Variants in DNAJC17 observed in about 807,000 individuals in gnomAD.
DNAJC17 encodes DnaJ heat shock protein family (Hsp40) member C17.
Under a neutral mutation model 48.1 loss-of-function variants are expected in DNAJC17, and 35 were observed. The observed-to-expected ratio is 0.73, with a 90% CI of 0.56 to 0.96. The LOEUF (loss-of-function observed/expected upper bound fraction) is 0.96, where lower values mean the gene tolerates loss of function less well. DNAJC17 is among the 50% of genes least tolerant of loss of function. The pLI is 0.00. For missense variants in DNAJC17, 355 were observed against 377.1 expected, an observed-to-expected ratio of 0.94 and a Z score of 0.48; for synonymous variants, 117 against 142.7, an observed-to-expected ratio of 0.82 and a Z score of 1.28.
chr15:40,782,844 CA>C (rs1889540353), intron 1 of DNAJC17, among the ~76,000 whole-genome samples: 1 of 152,104 alleles, frequency 6.6e-6, no homozygotes, highest in Non-Finnish European at 1.5e-5. Context: ...CCTGCCATGG[CA>C]GCCCAAGCTG....
intron 7 of DNAJC17, 187 bp from the exon 8 acceptor site, chr15:40,775,295 G>C: frequency 1.4e-6 from 1 of 722,404 alleles, no homozygotes; most frequent in South Asian, 1.7e-5. Flanking sequence ...CTCACCCCAG[G>C]GACGCTTCCC....
chr15:40,776,407 G>T, intron 5 of DNAJC17, 115 bp from the exon 6 acceptor site: 1 of 1,445,070 alleles, frequency 6.9e-7, no homozygotes, highest in Non-Finnish European at 9.5e-7. Context: ...GCAACCTGTG[G>T]GTGGGACAAA....
intron 1 of DNAJC17, among the ~76,000 whole-genome samples, chr15:40,800,929 G>A (rs1353554364): frequency 1.3e-5 from 2 of 148,990 alleles, no homozygotes; most frequent in East Asian, 3.9e-4. Flanking sequence ...CCATGCTCCA[G>A]CCTGGGCGAC....
intron 1 of DNAJC17, among the ~76,000 whole-genome samples, chr15:40,794,410 G>A (rs1375976277): frequency 3.3e-5 from 5 of 150,004 alleles, no homozygotes; most frequent in Non-Finnish European, 7.4e-5. Context: ...AGTGGCTCAT[G>A]CCTGTAATCC....
At chr15:40,784,501 G>C (rs1326666084) in intron 1 of DNAJC17, among the ~76,000 whole-genome samples, 1 of 152,008 alleles carries the variant, frequency 6.6e-6, no homozygotes, top group Admixed American at 6.6e-5. Flanking sequence ...GCCCCTATGA[G>C]GTAGAAATTA....
chr15:40,776,632 A>T lies in DNAJC17; in HGVS notation c.296-5T>A. On this transcript the variant is annotated splice_region_variant and splice_polypyrimidine_tract_variant and intron_variant, in intron 4 of 10. Coordinates refer to ENST00000220496, the MANE Select transcript of DNAJC17 (RefSeq NM_018163.3). ...GCCGCTCCCGGGCCTCCAGGTCTAG[A>T]CACAAGGGTTGAATGACCAGACTGC... 6.2e-7 allele frequency: 1 copy of T among 1,613,782 alleles called. No individual in the cohort carries two copies. The highest frequency in any genetic ancestry group is 8.5e-7 in the Non-Finnish European group (1 of 1,179,962).
At chr15:40,801,798 C>G (rs1371493920) in intron 1 of DNAJC17, among the ~76,000 whole-genome samples, 1 of 149,920 alleles carries the variant, frequency 6.7e-6, no homozygotes, top group Non-Finnish European at 1.5e-5. Context: ...ATTAGAAGTG[C>G]TAAATAGGGT....
At chr15:40,794,750 C>T (rs1442225825) in intron 1 of DNAJC17, among the ~76,000 whole-genome samples, 1 of 152,168 alleles carries the variant, frequency 6.6e-6, no homozygotes, top group Non-Finnish European at 1.5e-5. Context: ...CGGAGTCTTG[C>T]TCTGTCGCCC....
chr15:40,795,706 C>A (rs1452244965), intron 1 of DNAJC17, among the ~76,000 whole-genome samples: 3 of 151,966 alleles, frequency 2.0e-5, no homozygotes, highest in Non-Finnish European at 4.4e-5. Context: ...ACAAGCCTGG[C>A]CAACATGGTG....
intron 1 of DNAJC17, among the ~76,000 whole-genome samples, chr15:40,790,008 G>A (rs576577374): frequency 3.3e-5 from 5 of 151,320 alleles, no homozygotes; most frequent in South Asian, 2.1e-4. Flanking sequence ...TAGGGAAAGC[G>A]CTATGCAAAT....
chr15:40,779,835 AC>A, intron 2 of DNAJC17, 92 bp downstream of exon 2: 1 of 1,410,012 alleles, frequency 7.1e-7, no homozygotes, highest in Non-Finnish European at 9.9e-7. Flanking sequence ...GTGTGCTTAC[AC>A]CCCACAGCAC....
In DNAJC17 at chr15:40,767,515, G is replaced by A. The variant is rs2141941927; in HGVS notation, c.*425C>T. 2 of 789,128 alleles carry A rather than the reference G, an allele frequency of 2.5e-6. No homozygotes were observed. Among genetic ancestry groups the A allele is most frequent in the Middle Eastern group, 3.8e-4 (1 of 2,598 alleles). The allele number at this position is 789,128 out of a possible 1,614,324, so 48.9% of individuals were successfully genotyped here. On this transcript the variant is annotated 3_prime_UTR_variant, in exon 11 of 11. Transcript: ENST00000220496. ...TGAATGGCCTTCTCTGAAACCCTGC[G>A]TCAAGCAGTGGGAGAGGGCAGTGCC...
At chr15:40,773,024 G>A (rs950241613) in intron 10 of DNAJC17, among the ~76,000 whole-genome samples, 4 of 148,468 alleles carry the variant, frequency 2.7e-5, no homozygotes, top group South Asian at 2.1e-4. Flanking sequence ...GCAATGGCAC[G>A]ATCTCGGCTC....
intron 1 of DNAJC17, among the ~76,000 whole-genome samples, chr15:40,803,330 G>A (rs569604598): frequency 6.8e-4 from 103 of 152,324 alleles, no homozygotes; most frequent in Middle Eastern, 6.8e-3. Flanking sequence ...AGCAACCTAG[G>A]TTGTCTATGA....
At chr15:40,792,537 G>A in intron 1 of DNAJC17, 12 of 985,386 alleles carry the variant, frequency 1.2e-5, no homozygotes, top group Non-Finnish European at 1.4e-5. Flanking sequence ...AAGACAGGCT[G>A]GACATGCTGA....
chr15:40,768,542 C>T (rs977656301), intron 10 of DNAJC17, among the ~76,000 whole-genome samples: 1 of 152,196 alleles, frequency 6.6e-6, no homozygotes, highest in Admixed American at 6.5e-5. Flanking sequence ...CTGGCTCTTG[C>T]TGAGGATGCA....
In DNAJC17 at chr15:40,771,263, C is replaced by T. The variant is rs116862222; in HGVS notation, c.792+2464G>A. On this transcript the variant is annotated intron_variant, in intron 10 of 10. Coordinates refer to ENST00000220496, the MANE Select transcript of DNAJC17 (RefSeq NM_018163.3). ...AGGCAATCTGGAAATGTTGGGGGGG[C>T]GGCCCTTCCTGGCAGGACCCTGAAG... 341 of 554,090 alleles carry T rather than the reference C, an allele frequency of 6.2e-4. 3 individuals are homozygous for T. The East Asian group carries it at 0.01, about 17-fold the overall frequency. 34.3% of individuals were successfully genotyped at this position (554,090 alleles called of 1,614,324 possible).
intron 7 of DNAJC17, 58 bp downstream of exon 7, chr15:40,775,495 C>T: frequency 6.3e-7 from 1 of 1,582,878 alleles, no homozygotes; most frequent in Non-Finnish European, 8.7e-7. Context: ...AGCATCTATT[C>T]CTGCTGAGGG....
Position 40,766,485 on chromosome 15 carries a change from T to C in DNAJC17, c.*1455A>G, listed in dbSNP as rs572933804. 6.6e-6 allele frequency: 1 copy of C among 152,400 alleles called. No homozygotes were observed. Among genetic ancestry groups the C allele is most frequent in the East Asian group, 1.9e-4 (1 of 5,176 alleles). The allele number at this position is 152,400 out of a possible 1,614,324, so 9.4% of individuals were successfully genotyped here. On this transcript the variant is annotated 3_prime_UTR_variant, in exon 11 of 11. Coordinates refer to ENST00000220496, the MANE Select transcript of DNAJC17 (RefSeq NM_018163.3). ...TACACAGGCTCTCTGAAAAGAGTTG[T>C]CAGAGTGAGTGCCAGTTCAAATCGG...
Sources: gnomAD v4.1 joint callset for allele counts (sites outside exome capture counted in the v4.1 genomes callset) on GRCh38, gnomAD v4.1.1 for gene constraint, MANE v1.5 for transcripts, NCBI Gene and HGNC (gene_info 2026-07-23, HGNC 2026-07-21) for gene names.